ABCA3: variants seen among roughly 807,000 people sequenced by gnomAD.
ABCA3 encodes ATP binding cassette subfamily A member 3.
ABCA3 carries 88 observed loss-of-function variants against 172.8 expected under a neutral mutation model. That is an observed-to-expected ratio of 0.51 (90% CI 0.43 to 0.61). The LOEUF (loss-of-function observed/expected upper bound fraction) is 0.61. ABCA3 is among the 20% of genes least tolerant of loss of function. The pLI is 0.00. For synonymous variants in ABCA3, 1,066 were observed against 983.8 expected (o/e 1.08, Z -1.56); for missense variants, 2,164 against 2,301.0 (o/e 0.94, Z 1.22).
chr16:2,291,620 C>A (rs371848256), intron 19 of ABCA3, among the ~76,000 whole-genome samples: 1 of 152,214 alleles, frequency 6.6e-6, no homozygotes, highest in Non-Finnish European at 1.5e-5. Context: ...AGGCCCCTCA[C>A]GTGTGCCGCC....
rs2093646675 is a variant in ABCA3 at position 2,276,555 on chromosome 16, T to C, written c.*119A>G. The C allele has an allele frequency of 2.0e-6, 3 of 1,494,834 alleles. No individual in the cohort carries two copies. Among genetic ancestry groups the C allele is most frequent in the Non-Finnish European group, 2.7e-6 (3 of 1,112,160 alleles). 92.6% of individuals were successfully genotyped at this position (1,494,834 alleles called of 1,614,324 possible). On this transcript the variant is annotated 3_prime_UTR_variant, in exon 33 of 33. Coordinates refer to ENST00000301732, the MANE Select transcript of ABCA3 (RefSeq NM_001089.3). ...TGCATACTGCCTTGAATTTTTCATA[T>C]CCATCATAGAAAAAAGTGATTAAAA...
At chr16:2,292,411 T>A (rs977561857) in intron 18 of ABCA3, among the ~76,000 whole-genome samples, 173 bp from the exon 19 acceptor site, 1 of 151,682 alleles carries the variant, frequency 6.6e-6, no homozygotes, top group Non-Finnish European at 1.5e-5. Context: ...ACCAGTCTAG[T>A]CAACATGGTG....
chr16:2,330,759 C>T (rs1417531696), intron 1 of ABCA3, among the ~76,000 whole-genome samples: 8 of 146,152 alleles, frequency 5.5e-5, no homozygotes, highest in African/African-American at 1.5e-4. Flanking sequence ...AGTGCAGTGC[C>T]GCGATCTCTG....
rs757947479 is a variant in ABCA3, at chr16:2,284,737, G to A, written c.3703+42C>T. 17 of 1,587,226 alleles carry A rather than the reference G, an allele frequency of 1.1e-5. No homozygotes were observed. In the Admixed American group the frequency reaches 1.2e-4, roughly 11 times the overall value. The stretch of plus-strand genomic sequence containing the variant: ...CTCCCTGTCTGGGCGGAGTGGCTCC[G>A]TGGATGGCCATGGGGGCTGCGGGTG... On this transcript the variant is annotated intron_variant, in intron 24 of 32. Transcript: ENST00000301732. The surrounding 1 kb of genome is among the most constrained non-coding windows in gnomAD (Gnocchi z 5.9).
At chr16:2,296,642 G>A (rs2093680212) in intron 17 of ABCA3, among the ~76,000 whole-genome samples, 1 of 152,222 alleles carries the variant, frequency 6.6e-6, no homozygotes, top group Non-Finnish European at 1.5e-5. Context: ...AGGCCGTGGT[G>A]GATGGTTCCT....
rs561852554 is a variant in ABCA3 at position 2,283,107 on chromosome 16, G to A, written c.4035+79C>T. 95 of 1,463,352 alleles carry A rather than the reference G, an allele frequency of 6.5e-5. No individual in the cohort carries two copies. In the African/African-American group the frequency reaches 1.2e-3, roughly 19 times the overall value. The allele number at this position is 1,463,352 out of a possible 1,614,324, so 90.6% of individuals were successfully genotyped here. On this transcript the variant is annotated intron_variant, in intron 26 of 32. Coordinates refer to ENST00000301732, the MANE Select transcript of ABCA3 (RefSeq NM_001089.3). The surrounding 1 kb of genome is among the most constrained non-coding windows in gnomAD (Gnocchi z 5.4). ...GCTGCCTGGTGGAGAAGGAGGTGGA[G>A]CTGCCCCAGGTTGTGCTGGGCCCAA...
rs2093651172 is a variant in ABCA3, at chr16:2,279,061, G to A, written c.4429C>T (p.Leu1477=). 1.2e-6 allele frequency: 2 copies of A among 1,613,136 alleles called. No homozygotes were observed. The highest frequency in any genetic ancestry group is 1.7e-5 in the Admixed American group (1 of 60,014). The change falls in exon 29 of 33, where the codon CTG becomes TTG. Residue 1477 remains leucine (L), a synonymous_variant. Coordinates refer to ENST00000301732, the MANE Select transcript of ABCA3 (RefSeq NM_001089.3). The surrounding 1 kb of genome is among the most constrained non-coding windows in gnomAD (Gnocchi z 4.4). ...CCCCGGAGCCGAGCGTACATGACCA[G>A]CATCTCCCGGCCTGTCATGTGGTCC... The part of the protein sequence containing the change: ...LLDHMTGREM[L]VMYARLRGIP...
chr16:2,296,906 A>G (rs973198382), intron 17 of ABCA3, among the ~76,000 whole-genome samples: 6 of 152,166 alleles, frequency 3.9e-5, no homozygotes, highest in African/African-American at 1.4e-4. Context: ...CTGGACCAGG[A>G]GGTGACCTTG....
chr16:2,308,052 G>A (rs1000590897), intron 11 of ABCA3, among the ~76,000 whole-genome samples: 2 of 152,212 alleles, frequency 1.3e-5, no homozygotes, highest in African/African-American at 4.8e-5. Context: ...AACACAGTGA[G>A]ACCCCATCTC....
rs925970327 is a variant in ABCA3, at chr16:2,284,024, A to C, written c.3862+255T>G. ...CATGGGGGATTCACTCCTCGTGCTA[A>C]GCGCTGGTCTGTGGTTCCTTGTTAC... On this transcript the variant is annotated intron_variant, in intron 25 of 32. Coordinates refer to ENST00000301732, the MANE Select transcript of ABCA3 (RefSeq NM_001089.3). This position sits in a 1 kb window ranked among gnomAD's most constrained non-coding sequence, Gnocchi z 5.9. 2 of 461,908 alleles carry C rather than the reference A, an allele frequency of 4.3e-6. No individual in the cohort carries two copies. Among genetic ancestry groups the C allele is most frequent in the Non-Finnish European group, 7.9e-6 (2 of 252,264 alleles). 28.6% of individuals were successfully genotyped at this position (461,908 alleles called of 1,614,324 possible). A position where few individuals can be genotyped will look rare whatever the true frequency, so the allele number is the denominator to read the frequency against.
chr16:2,311,730 C>T (rs1011927968), intron 10 of ABCA3, among the ~76,000 whole-genome samples: 1 of 152,154 alleles, frequency 6.6e-6, no homozygotes, highest in Non-Finnish European at 1.5e-5. Flanking sequence ...CCATCTTGGC[C>T]AGGCTGCTCT....
chr16:2,277,495 T>C lies in ABCA3; in HGVS notation c.4983+102A>G. ...TGTTAGGGGAGAAATGGAAAGTGACTCCTCTGTGGAAAGAGCCTGCAGTCA... is the reference window on the plus strand; with the variant it reads ...TGTTAGGGGAGAAATGGAAAGTGACCCCTCTGTGGAAAGAGCCTGCAGTCA... On this transcript the variant is annotated intron_variant, in intron 32 of 32. Transcript: ENST00000301732. This position sits in a 1 kb window ranked among gnomAD's most constrained non-coding sequence, Gnocchi z 5.3. The C allele has an allele frequency of 8.2e-7, 1 of 1,225,422 alleles. No homozygotes were observed. Among genetic ancestry groups the C allele is most frequent in the South Asian group, 1.3e-5 (1 of 78,624 alleles). The allele number at this position is 1,225,422 out of a possible 1,614,324, so 75.9% of individuals were successfully genotyped here.
Position 2,324,467 on chromosome 16 carries a change from G to A in ABCA3, c.384C>T (p.Ser128=), listed in dbSNP as rs772785502. 11 of 1,610,066 alleles carry A rather than the reference G, an allele frequency of 6.8e-6. No homozygotes were observed. The Admixed American group carries it at 1.2e-4, about 17-fold the overall frequency. ...DYIRYDNCSS[S]VLAAVVFEHP... is the part of the protein sequence containing the mutation. Reference sequence around the variant, plus strand: ...GCTCGAAGACCACGGCGGCCAGCACGCTGGACGAGCAGTTGTCGTACCTAA... The same window carrying A: ...GCTCGAAGACCACGGCGGCCAGCACACTGGACGAGCAGTTGTCGTACCTAA... Residue 128 remains serine, a synonymous_variant, in exon 6 of 33, where the codon AGC becomes AGT. Coordinates refer to ENST00000301732, the MANE Select transcript of ABCA3 (RefSeq NM_001089.3).
At chr16:2,327,501 C>A (rs1044019993) in intron 3 of ABCA3, among the ~76,000 whole-genome samples, 1 of 152,198 alleles carries the variant, frequency 6.6e-6, no homozygotes, top group Admixed American at 6.5e-5. Context: ...TGGGTGATTT[C>A]TAAGGTTTGG....
chr16:2,300,861 G>A (rs2093687791), intron 12 of ABCA3, among the ~76,000 whole-genome samples: 1 of 152,212 alleles, frequency 6.6e-6, no homozygotes, highest in Admixed American at 6.5e-5. Flanking sequence ...CCAGCACCTG[G>A]AACGGCATCT....
At chr16:2,282,909 G>T (rs544301610) in intron 26 of ABCA3, among the ~76,000 whole-genome samples, 27 of 152,238 alleles carry the variant, frequency 1.8e-4, no homozygotes, top group African/African-American at 6.0e-4. Flanking sequence ...CAGGCACTGG[G>T]TGTCCCTGGG....
In ABCA3 at chr16:2,281,360, C is replaced by T; in HGVS notation, c.4164+21G>A. 6.2e-7 allele frequency: 1 copy of T among 1,613,536 alleles called. No individual in the cohort carries two copies. The highest frequency in any genetic ancestry group is 1.7e-5 in the Admixed American group (1 of 60,020). Reference sequence around the variant, plus strand: ...GGTAGTCAGCTGGCAGGAAGGACTCCACCCCAAATTGCAAGGGTACCTTGG... The same window carrying T: ...GGTAGTCAGCTGGCAGGAAGGACTCTACCCCAAATTGCAAGGGTACCTTGG... On this transcript the variant is annotated intron_variant, in intron 27 of 32. Transcript: ENST00000301732. The surrounding 1 kb of genome is among the most constrained non-coding windows in gnomAD (Gnocchi z 4.7).
intron 1 of ABCA3, among the ~76,000 whole-genome samples, chr16:2,339,710 G>T (rs923419422): frequency 6.6e-6 from 1 of 152,204 alleles, no homozygotes; most frequent in Non-Finnish European, 1.5e-5. Flanking sequence ...TCCAATCGAC[G>T]CCTTCCCGGA....
intron 7 of ABCA3, among the ~76,000 whole-genome samples, chr16:2,320,333 C>T (rs1262555631): frequency 6.6e-6 from 1 of 150,952 alleles, no homozygotes; most frequent in Non-Finnish European, 1.5e-5. Flanking sequence ...CTCCTGACCT[C>T]ATGATCCACC....
Sources: gnomAD v4.1 joint callset for allele counts (sites outside exome capture counted in the v4.1 genomes callset) on GRCh38, gnomAD v4.1.1 for gene constraint, Gnocchi (gnomAD v3.1) non-coding constraint, MANE v1.5 for transcripts, NCBI Gene and HGNC (gene_info 2026-07-23, HGNC 2026-07-21) for gene names.